The following GPM6A variants were observed in gnomAD, a reference collection of about 807,000 sequenced individuals.
The protein encoded by GPM6A is neuronal membrane glycoprotein M6-a.
A neutral mutation model predicts 32.1 loss-of-function variants in GPM6A; 7 were observed. The observed-to-expected ratio is 0.22, with a 90% CI of 0.12 to 0.41. The LOEUF (loss-of-function observed/expected upper bound fraction) is 0.41. Among genes scored for constraint, GPM6A ranks in the 10% least tolerant of loss-of-function variants. The pLI, the probability that GPM6A is intolerant of heterozygous loss-of-function variation, is 1.00. For missense variants in GPM6A, 235 were observed against 347.2 expected, an observed-to-expected ratio of 0.68 and a Z score of 2.57; for synonymous variants, 130 against 123.4, an observed-to-expected ratio of 1.05 and a Z score of -0.35.
At chr4:175,970,278 G>A (rs750521241) in intron 1 of GPM6A, among the ~76,000 whole-genome samples, 1 of 152,180 alleles carries the variant, frequency 6.6e-6, no homozygotes, top group African/African-American at 2.4e-5. Context: ...AGGAAACTGA[G>A]GGTTGAAGGT....
chr4:175,926,373 C>T (rs1738839299), intron 1 of GPM6A, among the ~76,000 whole-genome samples: 1 of 151,964 alleles, frequency 6.6e-6, no homozygotes, highest in Admixed American at 6.6e-5. Context: ...ATCAAATGTG[C>T]CTTAAGATTT....
chr4:175,802,023 C>A (rs1047727641), intron 1 of GPM6A, among the ~76,000 whole-genome samples: 1 of 152,014 alleles, frequency 6.6e-6, no homozygotes, highest in Non-Finnish European at 1.5e-5. Context: ...AGATCCCAAT[C>A]ATTTGGAGGG....
chr4:175,869,456 A>T lies in GPM6A; in HGVS notation c.-22-57207T>A, dbSNP rs145104903. Among the ~76,000 whole-genome samples the T allele has an allele frequency of 3.9e-3, 596 of 151,280 alleles. 7 individuals carry two copies. The highest frequency in any genetic ancestry group is 0.014 in the African/African-American group (566 of 41,278). On this transcript the variant is annotated intron_variant, in intron 1 of 7. Transcript: ENST00000280187. ...ACAGATATATCACATTTATTTATTT[A>T]AAAAAAAACAACAAAACTACATCTG...
intron 1 of GPM6A, among the ~76,000 whole-genome samples, chr4:175,822,706 G>A: frequency 6.6e-6 from 1 of 151,052 alleles, no homozygotes; most frequent in East Asian, 1.9e-4. Flanking sequence ...TACATGTGCA[G>A]AACTGCAGGT....
At chr4:175,810,636 G>A (rs1419653648) in intron 1 of GPM6A, among the ~76,000 whole-genome samples, 2 of 152,100 alleles carry the variant, frequency 1.3e-5, no homozygotes, top group Non-Finnish European at 2.9e-5. Flanking sequence ...TTTAACTCAA[G>A]GTTTTATTTA....
intron 1 of GPM6A, among the ~76,000 whole-genome samples, chr4:175,952,155 A>T (rs1475121798): frequency 6.6e-6 from 1 of 152,240 alleles, no homozygotes; most frequent in Non-Finnish European, 1.5e-5. Context: ...CAAGTAACTA[A>T]AACAAATACC....
chr4:175,873,552 T>C (rs527407255), intron 1 of GPM6A, among the ~76,000 whole-genome samples: 28 of 152,224 alleles, frequency 1.8e-4, no homozygotes, highest in African/African-American at 5.1e-4. Flanking sequence ...TTATGATAAA[T>C]CAAAGATTTA....
chr4:175,743,457 A>G (rs530758368), intron 1 of GPM6A, among the ~76,000 whole-genome samples: 1 of 152,240 alleles, frequency 6.6e-6, no homozygotes, highest in South Asian at 2.1e-4. Context: ...AATCCAAAAT[A>G]AGCTACAAGA....
chr4:175,754,314 G>C (rs1437308847), intron 1 of GPM6A, among the ~76,000 whole-genome samples: 1 of 151,984 alleles, frequency 6.6e-6, no homozygotes, highest in East Asian at 1.9e-4. Context: ...CAAGATCCTT[G>C]GTTTAAGGGA....
At chr4:175,974,882 C>T (rs1740613997) in intron 1 of GPM6A, among the ~76,000 whole-genome samples, 2 of 152,094 alleles carry the variant, frequency 1.3e-5, no homozygotes, top group African/African-American at 4.8e-5. Context: ...AGGGGTCTCC[C>T]TATATTGCCC....
rs534567770 is a variant in GPM6A, at chr4:175,962,218, T to C, written c.-23+40091A>G. On this transcript the variant is annotated intron_variant, in intron 1 of 7. Transcript: ENST00000280187. Reference sequence around the variant, plus strand: ...CTGGAGTATTGGAGTCAGTTCATGATGGTGGAACAAGAGAACATTGACCTC... The same window carrying C: ...CTGGAGTATTGGAGTCAGTTCATGACGGTGGAACAAGAGAACATTGACCTC... 3.9e-5 allele frequency: 51 copies of C among 1,304,730 alleles called. No individual in the cohort carries two copies. The African/African-American group carries it at 6.8e-4, about 17-fold the overall frequency. 80.8% of individuals were successfully genotyped at this position (1,304,730 alleles called of 1,614,324 possible). A position where few individuals can be genotyped will look rare whatever the true frequency, so the allele number is the denominator to read the frequency against.
chr4:175,854,140 C>T (rs547632514), intron 1 of GPM6A, among the ~76,000 whole-genome samples: 250 of 152,198 alleles, frequency 1.6e-3, no homozygotes, highest in Non-Finnish European at 2.9e-3. Flanking sequence ...TATGTGTCAG[C>T]ACAAGATAGC....
At chr4:175,838,786 T>C (rs1418577575) in intron 1 of GPM6A, among the ~76,000 whole-genome samples, 1 of 151,184 alleles carries the variant, frequency 6.6e-6, no homozygotes, top group Non-Finnish European at 1.5e-5. Flanking sequence ...CCCAAGTACC[T>C]GGGACTGCAG....
In GPM6A at chr4:175,836,144, A is replaced by G. The variant is rs1735762086; in HGVS notation, c.-22-23895T>C. 2.6e-5 allele frequency among the ~76,000 whole-genome samples: 4 copies of G among 152,066 alleles called. No individual in the cohort carries two copies. The South Asian group carries it at 8.3e-4, about 32-fold the overall frequency. ...TCTGGCTTTCTCTACCTCTCTACCC[A>G]ATTATGCTCTGTTACTGATATTCCC... On this transcript the variant is annotated intron_variant, in intron 1 of 7. Coordinates refer to the GPM6A transcript ENST00000280187.
chr4:175,972,244 T>C (rs1740526883), intron 1 of GPM6A, among the ~76,000 whole-genome samples: 2 of 152,236 alleles, frequency 1.3e-5, no homozygotes, highest in Admixed American at 6.5e-5. Flanking sequence ...TTGTGATGTA[T>C]ATACATTTAA....
intron 1 of GPM6A, among the ~76,000 whole-genome samples, chr4:175,729,074 T>C (rs1414407539): frequency 6.6e-6 from 1 of 152,176 alleles, no homozygotes; most frequent in Non-Finnish European, 1.5e-5. Context: ...TTTCCCCAAA[T>C]TGTATTAGCC....
chr4:175,984,844 T>C (rs1265381414), intron 1 of GPM6A, among the ~76,000 whole-genome samples: 1 of 152,216 alleles, frequency 6.6e-6, no homozygotes, highest in Non-Finnish European at 1.5e-5. Flanking sequence ...CATAAACCTG[T>C]TGTCCCATCA....
intron 1 of GPM6A, among the ~76,000 whole-genome samples, chr4:175,724,835 A>C (rs2111125035): frequency 6.6e-6 from 1 of 152,180 alleles, no homozygotes; most frequent in South Asian, 2.1e-4. Context: ...AAGACCGTGC[A>C]TGATGTTGTC....
intron 1 of GPM6A, among the ~76,000 whole-genome samples, chr4:175,713,423 C>T (rs1745662450): frequency 6.6e-6 from 1 of 151,980 alleles, no homozygotes; most frequent in South Asian, 2.1e-4. Context: ...GAACTCCTGA[C>T]CTTGTGATCC....
Sources: allele counts gnomAD v4.1 joint callset (sites outside exome capture counted in the v4.1 genomes callset), GRCh38; gene constraint gnomAD v4.1.1; transcripts MANE v1.5; gene names NCBI Gene and HGNC (gene_info 2026-07-23, HGNC 2026-07-21).